Variants in TANGO6 observed in about 807,000 individuals in gnomAD.
TANGO6 encodes transport and golgi organization 6 homolog.
A neutral mutation model predicts 114.2 loss-of-function variants in TANGO6; 90 were observed. The observed-to-expected ratio is 0.79, with a 90% CI of 0.66 to 0.94. The LOEUF (loss-of-function observed/expected upper bound fraction) is 0.94, where lower values mean the gene tolerates loss of function less well. Among genes scored for constraint, TANGO6 ranks in the 40% least tolerant of loss-of-function variants. The pLI, the probability that TANGO6 is intolerant of heterozygous loss-of-function variation, is 0.00. For missense variants in TANGO6, 1,274 were observed against 1,315.3 expected (o/e 0.97, Z 0.49); for synonymous variants, 477 against 509.8 (o/e 0.94, Z 0.87).
chr16:68,887,995 A>G (rs1962561585), intron 7 of TANGO6, among the ~76,000 whole-genome samples: 1 of 152,188 alleles, frequency 6.6e-6, no homozygotes, highest in African/African-American at 2.4e-5. Flanking sequence ...CCTTCACTCC[A>G]GCAGGGAGTA....
intron 14 of TANGO6, among the ~76,000 whole-genome samples, chr16:68,939,235 T>C (rs1963327596): frequency 6.6e-6 from 1 of 151,804 alleles, no homozygotes; most frequent in Non-Finnish European, 1.5e-5. Context: ...TAAAAGACCA[T>C]GGTGGTTAGC....
At chr16:68,907,156 C>T (rs8054796) in intron 9 of TANGO6, among the ~76,000 whole-genome samples, 5,541 of 138,208 alleles carry the variant, frequency 0.04, 264 homozygotes, top group African/African-American at 0.12. Flanking sequence ...ATTGTGTTAG[C>T]CAGGATGGTT....
rs201184236 is a variant in TANGO6 at position 68,941,749 on chromosome 16, GA to G, written c.2701+11463del. On this transcript the variant is annotated intron_variant, in intron 14 of 17. Coordinates refer to ENST00000261778, the MANE Select transcript of TANGO6 (RefSeq NM_024562.2). ...TGACAGAGCAAGACTGTCTCTGAGG[GA>G]AAAAAAAAGACAACTTAGGTTTGAT... 2.3e-3 allele frequency among the ~76,000 whole-genome samples: 340 copies of G among 149,226 alleles called. 4 individuals carry two copies. The highest frequency in any genetic ancestry group is 8.2e-3 in the African/African-American group (333 of 40,740).
chr16:68,949,833 TTA>T (rs372358827), intron 14 of TANGO6, among the ~76,000 whole-genome samples: 7 of 150,974 alleles, frequency 4.6e-5, no homozygotes, highest in East Asian at 1.9e-4. Context: ...AAGTTTATAT[TTA>T]TATATATATA....
At position 68,922,939 on chromosome 16, in the gene TANGO6, G is replaced by GTTTT. The variant is rs531603542; in HGVS notation, c.2127+3744_2127+3747dup. 3.6e-3 allele frequency among the ~76,000 whole-genome samples: 287 copies of GTTTT among 79,048 alleles called. 63 individuals carry two copies. The highest frequency in any genetic ancestry group is 0.013 in the African/African-American group (249 of 18,976). 51.9% of individuals were successfully genotyped at this position (79,048 alleles called of 152,430 possible). ...TCTTACTCTACACTGCTTAGGTCAT[G>GTTTT]TTTTTTTTTTTTTTTTTTTTTTTTT... On this transcript the variant is annotated intron_variant, in intron 12 of 17. Coordinates refer to ENST00000261778, the MANE Select transcript of TANGO6 (RefSeq NM_024562.2).
intron 17 of TANGO6, among the ~76,000 whole-genome samples, chr16:69,080,097 TA>T (rs1170495924): frequency 6.6e-6 from 1 of 152,128 alleles, no homozygotes; most frequent in Non-Finnish European, 1.5e-5. Flanking sequence ...TAGCAAAAGA[TA>T]AAAAGAATTT....
chr16:69,031,121 C>CTGCT (rs1959586694), intron 16 of TANGO6, among the ~76,000 whole-genome samples: 1 of 151,898 alleles, frequency 6.6e-6, no homozygotes, highest in Admixed American at 6.6e-5. Flanking sequence ...AGATGAGGAG[C>CTGCT]TGCTGCTTTG....
At chr16:69,017,663 A>G (rs1959323784) in intron 15 of TANGO6, among the ~76,000 whole-genome samples, 1 of 152,074 alleles carries the variant, frequency 6.6e-6, no homozygotes, top group Non-Finnish European at 1.5e-5. Flanking sequence ...CACACTTAGA[A>G]GTGGAAGGGG....
chr16:68,918,976 G>T (rs1487178719), intron 11 of TANGO6, 109 bp from the exon 12 acceptor site: 4 of 1,337,534 alleles, frequency 3.0e-6, no homozygotes, highest in Admixed American at 2.5e-5. Flanking sequence ...GATGGTTCTT[G>T]CTATCATGAT....
chr16:68,862,874 G>A (rs1290417944), intron 2 of TANGO6, 71 bp from the exon 3 acceptor site: 1 of 985,426 alleles, frequency 1.0e-6, no homozygotes, highest in Non-Finnish European at 1.6e-6. Context: ...TCTGTACAGT[G>A]TTGTAAAACT....
Position 68,968,531 on chromosome 16 carries a change from A to AT in TANGO6, c.2702-5491dup, listed in dbSNP as rs1230740362. On this transcript the variant is annotated intron_variant, in intron 14 of 17. Transcript: ENST00000261778. ...AGGCACCTGCTACCACACTCAGCTA[A>AT]TTTTTTGTATTTAGTAGAGAGGGGG... Among the ~76,000 whole-genome samples the AT allele has an allele frequency of 4.0e-5, 6 of 151,122 alleles. No individual in the cohort carries two copies. In the East Asian group the frequency reaches 1.2e-3, roughly 29 times the overall value.
chr16:69,075,174 CT>C (rs59445014), intron 17 of TANGO6, among the ~76,000 whole-genome samples: 9,494 of 134,600 alleles, frequency 0.071, 331 homozygotes, highest in South Asian at 0.19. Context: ...CCAAAGTCTG[CT>C]TTTTTTTTTT....
chr16:68,969,076 C>A (rs1339984301), intron 14 of TANGO6, among the ~76,000 whole-genome samples: 1 of 152,170 alleles, frequency 6.6e-6, no homozygotes, highest in Non-Finnish European at 1.5e-5. Flanking sequence ...TTCACTTTTA[C>A]CTTCTCTATA....
chr16:68,875,062 C>A, intron 4 of TANGO6, 92 bp from the exon 5 acceptor site: 2 of 1,355,142 alleles, frequency 1.5e-6, no homozygotes, highest in Non-Finnish European at 2.0e-6. Context: ...AAGATAAATG[C>A]ATTTTACCTT....
At chr16:68,902,126 T>TC (rs1197045137) in intron 8 of TANGO6, among the ~76,000 whole-genome samples, 2 of 151,990 alleles carry the variant, frequency 1.3e-5, no homozygotes, top group African/African-American at 4.8e-5. Flanking sequence ...GATTAGTCAG[T>TC]CACTCATTGA....
At chr16:69,076,510 ATGAC>A (rs1286606467) in intron 17 of TANGO6, among the ~76,000 whole-genome samples, 2 of 152,208 alleles carry the variant, frequency 1.3e-5, no homozygotes, top group African/African-American at 4.8e-5. Flanking sequence ...TTCAGTGTAA[ATGAC>A]TGGCTAAAAC....
chr16:68,959,518 T>C (rs1213479368), intron 14 of TANGO6, among the ~76,000 whole-genome samples: 1 of 151,720 alleles, frequency 6.6e-6, no homozygotes, highest in African/African-American at 2.4e-5. Context: ...ACCTGGGGGG[T>C]GGAGGTTGCA....
At chr16:68,981,254 A>G (rs1418231918) in intron 15 of TANGO6, among the ~76,000 whole-genome samples, 1 of 112,562 alleles carries the variant, frequency 8.9e-6, no homozygotes, top group Non-Finnish European at 1.6e-5. Flanking sequence ...TCTGTTGCCC[A>G]GGCTGGAGTA....
At chr16:69,018,464 C>G (rs1046182510) in intron 15 of TANGO6, among the ~76,000 whole-genome samples, 1 of 151,060 alleles carries the variant, frequency 6.6e-6, no homozygotes, top group Non-Finnish European at 1.5e-5. Flanking sequence ...CTCTTAAATG[C>G]AATATATCAT....
Sources: gnomAD v4.1 joint callset for allele counts (sites outside exome capture counted in the v4.1 genomes callset) on GRCh38, gnomAD v4.1.1 for gene constraint, MANE v1.5 for transcripts, NCBI Gene and HGNC (gene_info 2026-07-23, HGNC 2026-07-21) for gene names.